PRRC2C: variants seen among roughly 807,000 people sequenced by gnomAD.
PRRC2C encodes proline rich coiled-coil 2C.
Under a neutral mutation model 317.2 loss-of-function variants are expected in PRRC2C, and 72 were observed. That is an observed-to-expected ratio of 0.23 (90% CI 0.19 to 0.28). The LOEUF is 0.28. Among genes scored for constraint, PRRC2C ranks in the 10% least tolerant of loss-of-function variants. The pLI is 1.00. For missense variants in PRRC2C, 3,074 were observed against 3,459.7 expected (o/e 0.89, Z 2.80); for synonymous variants, 1,296 against 1,205.9 (o/e 1.07, Z -1.55).
At position 171,540,562 on chromosome 1, in the gene PRRC2C, G is replaced by A; in HGVS notation, c.3096G>A (p.Gln1032=). 1.7e-5 allele frequency: 28 copies of A among 1,613,960 alleles called. No homozygotes were observed. Among genetic ancestry groups the A allele is most frequent in the Non-Finnish European group, 2.4e-5 (28 of 1,179,888 alleles). Residue 1032 remains glutamine, a synonymous_variant, in exon 16 of 35, where the codon CAG becomes CAA. Coordinates refer to ENST00000647382, the MANE Select transcript of PRRC2C (RefSeq NM_001387844.1). ...GAGATATGAAAGAGGAACGGGAACA[G>A]AGGAAGGAGAAAGAAGGAGAAAAGG... ...VLRDMKEERE[Q]RKEKEGEKAE...
intron 20 of PRRC2C, among the ~76,000 whole-genome samples, chr1:171,565,742 G>T (rs1205174053): frequency 6.6e-6 from 1 of 152,112 alleles, no homozygotes; most frequent in African/African-American, 2.4e-5. Context: ...CACCATACCC[G>T]GCCCAAATTA....
At chr1:171,521,243 A>G (rs536833993) in intron 6 of PRRC2C, among the ~76,000 whole-genome samples, 1 of 152,376 alleles carries the variant, frequency 6.6e-6, no homozygotes, top group Non-Finnish European at 1.5e-5. Context: ...TTATGTTTTT[A>G]CAGTAATATA....
At chr1:171,535,708 T>A in intron 13 of PRRC2C, 111 bp downstream of exon 13, 2 of 1,282,258 alleles carry the variant, frequency 1.6e-6, no homozygotes, top group Non-Finnish European at 2.1e-6. Context: ...AAAGTTCCCT[T>A]GAAATTATTT....
chr1:171,553,118 A>T (rs1038003995), intron 18 of PRRC2C, among the ~76,000 whole-genome samples: 1 of 151,980 alleles, frequency 6.6e-6, no homozygotes, highest in South Asian at 2.1e-4. Context: ...GTAGGCTGTT[A>T]ATTATTGCCT....
In PRRC2C at chr1:171,589,556, T is replaced by C. The variant is rs1243388756; in HGVS notation, c.8387T>C (p.Val2796Ala). Residue 2796 changes from valine (V) to alanine (A), a missense_variant, in exon 34 of 35, where the codon GTC (valine) becomes GCC (alanine). Transcript: ENST00000647382. ...ARGPCGSLSG[V>A]RGNQAQAALK... ...GGTCCTTGTGGATCACTATCTGGAG[T>C]CAGAGGTAATCAGGCCCAGGCTGCG... The C allele has an allele frequency of 7.8e-6, 10 of 1,289,496 alleles. No individual in the cohort carries two copies. Among genetic ancestry groups the C allele is most frequent in the Non-Finnish European group, 1.0e-6 (1 of 988,832 alleles). 79.9% of individuals were successfully genotyped at this position (1,289,496 alleles called of 1,614,324 possible). A position where few individuals can be genotyped will look rare whatever the true frequency, so the allele number is the denominator to read the frequency against.
At chr1:171,570,545 A>G (rs1310312555) in intron 23 of PRRC2C, among the ~76,000 whole-genome samples, 1 of 152,188 alleles carries the variant, frequency 6.6e-6, no homozygotes, top group African/African-American at 2.4e-5. Flanking sequence ...AAAACTCTCA[A>G]GCATCCCAGT....
At chr1:171,507,198 TAG>T (rs1405522733) in intron 1 of PRRC2C, among the ~76,000 whole-genome samples, 1 of 152,064 alleles carries the variant, frequency 6.6e-6, no homozygotes, top group Non-Finnish European at 1.5e-5. Flanking sequence ...TTGGGCAACA[TAG>T]TGAGACTCCA....
chr1:171,532,246 C>G, intron 11 of PRRC2C, 97 bp from the exon 12 acceptor site: 1 of 1,279,228 alleles, frequency 7.8e-7, no homozygotes, highest in Non-Finnish European at 1.1e-6. Flanking sequence ...AGAGAAATTT[C>G]TGATATTTTT....
Position 171,545,592 on chromosome 1 carries a change from C to G in PRRC2C, c.4877C>G (p.Ser1626Cys), listed in dbSNP as rs235468. 1,321,583 of 1,610,496 alleles carry G rather than the reference C, an allele frequency of 0.82. 543,239 individuals are homozygous for G. Among genetic ancestry groups the G allele is most frequent in the East Asian group, 0.89 (40,092 of 44,804 alleles). The change falls in exon 17 of 35, where the codon TCT becomes TGT. Residue 1626 changes from serine (S) to cysteine (C), a missense_variant. By Grantham distance (112) the Ser-to-Cys change is moderately radical. This residue lies in a region of PRRC2C where 178 missense variants were observed against 163.0 expected (regional missense o/e 1.09). Transcript: ENST00000647382. ...NGTGQKNSKD[S>C]TGKKREDPKP... ...ACAGGACAAAAGAACTCCAAAGATT[C>G]TACTGGGAAAAAAAGAGAAGACCCC...
At chr1:171,529,290 T>A (rs760643) in intron 11 of PRRC2C, among the ~76,000 whole-genome samples, 1 of 151,946 alleles carries the variant, frequency 6.6e-6, no homozygotes, top group Non-Finnish European at 1.5e-5. Context: ...ACATTTAGCC[T>A]GAAAAGCTTT....
At chr1:171,560,841 T>TG (rs1214485411) in intron 19 of PRRC2C, among the ~76,000 whole-genome samples, 177 bp from the exon 20 acceptor site, 4 of 152,256 alleles carry the variant, frequency 2.6e-5, no homozygotes, top group African/African-American at 9.6e-5. Flanking sequence ...ACAATGTTTC[T>TG]GGGGTATGCC....
intron 1 of PRRC2C, among the ~76,000 whole-genome samples, chr1:171,509,394 G>A (rs993537987): frequency 1.3e-5 from 2 of 152,176 alleles, no homozygotes; most frequent in African/African-American, 4.8e-5. Flanking sequence ...GAAGCCAAAG[G>A]AGCTAATGAG....
In PRRC2C at chr1:171,584,093, C is replaced by G; in HGVS notation, c.7547C>G (p.Ser2516Ter). 2 of 1,613,966 alleles carry G rather than the reference C, an allele frequency of 1.2e-6. No individual in the cohort carries two copies. Among genetic ancestry groups the G allele is most frequent in the Non-Finnish European group, 1.7e-6 (2 of 1,179,862 alleles). The change falls in exon 29 of 35, where the codon TCA becomes TGA. Residue 2516 changes from serine to a stop codon, truncating the protein, a stop_gained. Coordinates refer to ENST00000647382, the MANE Select transcript of PRRC2C (RefSeq NM_001387844.1). LOFTEE classifies it high-confidence loss of function. ...TCCGGTCTTGCCTTTCAGCAAACAT[C>G]AAATACTCAGCCCATTCCTATATTG... ...AQSGLAFQQTSNTQPIPILYE... is the reference protein window; with the variant it reads ...AQSGLAFQQT
intron 18 of PRRC2C, among the ~76,000 whole-genome samples, chr1:171,555,093 G>T (rs1388922606): frequency 4.6e-5 from 7 of 152,158 alleles, no homozygotes; most frequent in Admixed American, 4.6e-4. Context: ...TCACTTTCAG[G>T]TACACTAATC....
intron 10 of PRRC2C, 79 bp from the exon 11 acceptor site, chr1:171,527,712 T>C (rs1674904766): frequency 4.2e-5 from 52 of 1,226,246 alleles, no homozygotes; most frequent in South Asian, 2.6e-4. Context: ...GCCAAGATCA[T>C]GCCACTGCAC....
intron 4 of PRRC2C, 52 bp from the exon 5 acceptor site, chr1:171,515,682 A>T: frequency 1.4e-6 from 2 of 1,420,032 alleles, no homozygotes; most frequent in Non-Finnish European, 1.9e-6. Context: ...GGTGGTTTGT[A>T]TTATCTTCAG....
intron 1 of PRRC2C, among the ~76,000 whole-genome samples, chr1:171,490,652 T>C (rs1047822640): frequency 1.4e-4 from 22 of 152,298 alleles, no homozygotes; most frequent in African/African-American, 5.3e-4. Context: ...CAGAAGAGGA[T>C]AATCTAAAAA....
At chr1:171,564,566 A>G (rs1254397154) in intron 20 of PRRC2C, among the ~76,000 whole-genome samples, 2 of 152,236 alleles carry the variant, frequency 1.3e-5, no homozygotes, top group Non-Finnish European at 2.9e-5. Flanking sequence ...CAATACATTC[A>G]TGCTTTGCTT....
intron 15 of PRRC2C, among the ~76,000 whole-genome samples, chr1:171,539,289 G>T (rs114962239): frequency 0.11 from 16,429 of 152,218 alleles, 1,093 homozygotes; most frequent in East Asian, 0.21. Flanking sequence ...ACAGGCGTGA[G>T]CCACCGCACC....
Sources: allele counts gnomAD v4.1 joint callset (sites outside exome capture counted in the v4.1 genomes callset), GRCh38; gene constraint gnomAD v4.1.1; regional missense constraint gnomAD v4.1.1; transcripts MANE v1.5; gene names NCBI Gene and HGNC (gene_info 2026-07-23, HGNC 2026-07-21).